Variants in GNB1L observed in about 807,000 individuals in gnomAD.
GNB1L encodes G protein subunit beta 1 like, also known as guanine nucleotide-binding protein subunit beta-like protein 1.
A neutral mutation model predicts 29.1 loss-of-function variants in GNB1L; 20 were observed. The ratio of observed to expected loss-of-function variants is 0.69; its 90% CI spans 0.48 to 1.00. The LOEUF (loss-of-function observed/expected upper bound fraction) is 1.00, where lower values mean the gene tolerates loss of function less well. Ranked by LOEUF, GNB1L falls within the 50% of genes least tolerant of loss-of-function variation. GNB1L has a pLI of 0.00. For synonymous variants in GNB1L, 193 were observed against 206.5 expected, an observed-to-expected ratio of 0.93 and a Z score of 0.56; for missense variants, 421 against 464.9, an observed-to-expected ratio of 0.91 and a Z score of 0.87.
At chr22:19,850,396 C>T (rs561868253) in intron 2 of GNB1L, 4 of 989,388 alleles carry the variant, frequency 4.0e-6, no homozygotes, top group Admixed American at 1.2e-4. Flanking sequence ...CATGCGAGTG[C>T]GGAGTGAGCA....
intron 6 of GNB1L, among the ~76,000 whole-genome samples, chr22:19,804,646 T>G (rs992358883): frequency 6.7e-6 from 1 of 148,880 alleles, no homozygotes; most frequent in Non-Finnish European, 1.5e-5. Flanking sequence ...GTCAGGCCAC[T>G]GTGCCACAAT....
At position 19,788,626 on chromosome 22, in the gene GNB1L, C is replaced by T; in HGVS notation, c.*83G>A. ...CCATGACTTGCTGGTCCTCAGAGGC[C>T]CTTGAGGTTTCAGGCCAAGGCTGGG... On this transcript the variant is annotated 3_prime_UTR_variant, in exon 8 of 8. Coordinates refer to ENST00000329517, the MANE Select transcript of GNB1L (RefSeq NM_053004.3). The T allele has an allele frequency of 6.5e-7, 1 of 1,545,926 alleles. No homozygotes were observed. The highest frequency in any genetic ancestry group is 8.9e-7 in the Non-Finnish European group (1 of 1,120,948).
chr22:19,821,425 T>C, intron 2 of GNB1L, 50 bp from the exon 3 acceptor site: 1 of 1,558,630 alleles, frequency 6.4e-7, no homozygotes, highest in Non-Finnish European at 8.7e-7. Context: ...ATTCTCACCC[T>C]CTAGGAAGGC....
At chr22:19,842,698 C>T (rs1026900666) in intron 2 of GNB1L, among the ~76,000 whole-genome samples, 25 of 152,254 alleles carry the variant, frequency 1.6e-4, no homozygotes, top group South Asian at 2.1e-4. Context: ...CTGCCACTCA[C>T]GGCCACAAAG....
chr22:19,815,559 G>A (rs1937520976), intron 4 of GNB1L, among the ~76,000 whole-genome samples: 1 of 152,160 alleles, frequency 6.6e-6, no homozygotes, highest in Non-Finnish European at 1.5e-5. Flanking sequence ...GGGAGTGGAG[G>A]ACTGACTTGT....
chr22:19,825,232 T>G (rs1363947805), intron 2 of GNB1L, among the ~76,000 whole-genome samples: 1 of 152,138 alleles, frequency 6.6e-6, no homozygotes, highest in East Asian at 1.9e-4. Flanking sequence ...CAGCCCATAA[T>G]CAGCAAGACT....
Position 19,821,343 on chromosome 22 carries a change from A to G in GNB1L, c.13T>C (p.Cys5Arg), listed in dbSNP as rs751357188. ...TGGGGGTCTGGAGGTGGCGGCGGGC[A>G]GGGGGCCGTCATGCTGGGCAGGATG... MTAP[C>R]PPPPPDPQFV... Residue 5 changes from cysteine to arginine, a missense_variant, in exon 3 of 8, where the codon TGC becomes CGC. Coordinates refer to ENST00000329517, the MANE Select transcript of GNB1L (RefSeq NM_053004.3). The G allele has an allele frequency of 6.2e-6, 10 of 1,612,428 alleles. No individual in the cohort carries two copies. The highest frequency in any genetic ancestry group is 1.7e-5 in the Admixed American group (1 of 59,990).
chr22:19,836,195 A>G (rs970569723), intron 2 of GNB1L, among the ~76,000 whole-genome samples: 2 of 152,314 alleles, frequency 1.3e-5, no homozygotes, highest in Admixed American at 1.3e-4. Context: ...GACAAATTAT[A>G]ATAATTAAAG....
At chr22:19,807,161 A>T (rs1391856650) in intron 5 of GNB1L, among the ~76,000 whole-genome samples, 1 of 152,200 alleles carries the variant, frequency 6.6e-6, no homozygotes, top group Non-Finnish European at 1.5e-5. Context: ...TGAGAAATGA[A>T]TGTGATGTGC....
chr22:19,843,089 C>T (rs1413301990), intron 2 of GNB1L, among the ~76,000 whole-genome samples: 1 of 152,192 alleles, frequency 6.6e-6, no homozygotes, highest in Non-Finnish European at 1.5e-5. Flanking sequence ...GTGATTGAAG[C>T]GTCTACTTTC....
In GNB1L at chr22:19,812,376, C is replaced by A; in HGVS notation, c.326G>T (p.Cys109Phe). ...CCGGCAGAAGCCCACACTCTCCAAG[C>A]ACACGGAGTCCACGACAGCGCTCCT... is the stretch of plus-strand genomic sequence containing the variant. Reference protein sequence around the residue: ...EGRSAVVDSVCLESVGFCRSS... With the variant: ...EGRSAVVDSVFLESVGFCRSS... The change falls in exon 5 of 8, where the codon TGC becomes TTC. Residue 109 changes from cysteine to phenylalanine, a missense_variant. Cys to Phe is a radical substitution (Grantham distance 205). Transcript: ENST00000329517. 6.2e-7 allele frequency: 1 copy of A among 1,613,426 alleles called. No individual in the cohort carries two copies. Among genetic ancestry groups the A allele is most frequent in the Non-Finnish European group, 8.5e-7 (1 of 1,179,972 alleles).
intron 7 of GNB1L, among the ~76,000 whole-genome samples, chr22:19,797,130 C>T (rs577163442): frequency 5.1e-4 from 77 of 152,252 alleles, no homozygotes; most frequent in Middle Eastern, 3.4e-3. Context: ...ATGGTGCAGG[C>T]GAAGACCAAC....
At chr22:19,799,515 A>T (rs1368821400) in intron 7 of GNB1L, among the ~76,000 whole-genome samples, 1 of 152,156 alleles carries the variant, frequency 6.6e-6, no homozygotes, top group African/African-American at 2.4e-5. Flanking sequence ...GCATGACCTC[A>T]GGTGCCAGGA....
rs1336948169 is a variant in GNB1L at position 19,784,476 on chromosome 22, T to A, written c.*4233A>T. ...CTGGTCCCAGACCCAGGGCCGTCTG[T>A]TGGCCTGCAGGTAACACGCAGGGAG... On this transcript the variant is annotated 3_prime_UTR_variant, in exon 8 of 8. Coordinates refer to ENST00000329517, the MANE Select transcript of GNB1L (RefSeq NM_053004.3). 6.6e-6 allele frequency: 1 copy of A among 152,168 alleles called. No individual in the cohort carries two copies. The highest frequency in any genetic ancestry group is 2.4e-5 in the African/African-American group (1 of 41,406). The allele number at this position is 152,168 out of a possible 1,614,324, so 9.4% of individuals were successfully genotyped here. A position where few individuals can be genotyped will look rare whatever the true frequency, so the allele number is the denominator to read the frequency against.
rs1310993058 is a variant in GNB1L at position 19,816,033 on chromosome 22, C to T, written c.255-3586G>A. On this transcript the variant is annotated intron_variant, in intron 4 of 7. Coordinates refer to ENST00000329517, the MANE Select transcript of GNB1L (RefSeq NM_053004.3). The surrounding 1 kb of genome is among the most constrained non-coding windows in gnomAD (Gnocchi z 4.4). ...ACCAAGAACTCCACCTTGTCAACAC[C>T]GCATCCTGACCAAGGGTGAGCCCCG... is the stretch of plus-strand genomic sequence containing the variant. Among the ~76,000 whole-genome samples, 2 of 152,216 alleles carry T rather than the reference C, an allele frequency of 1.3e-5. No homozygotes were observed. Among genetic ancestry groups the T allele is most frequent in the African/African-American group, 2.4e-5 (1 of 41,458 alleles).
At chr22:19,799,377 C>T (rs1280989360) in intron 7 of GNB1L, among the ~76,000 whole-genome samples, 2 of 152,186 alleles carry the variant, frequency 1.3e-5, no homozygotes, top group Admixed American at 1.3e-4. Flanking sequence ...ACCACTTGAC[C>T]CCGAGGCACC....
chr22:19,832,127 C>T (rs1050623024), intron 2 of GNB1L, among the ~76,000 whole-genome samples: 6 of 152,172 alleles, frequency 3.9e-5, no homozygotes, highest in Admixed American at 2.6e-4. Context: ...GCCAGGAGTT[C>T]AAGACCAGCC....
chr22:19,852,551 G>A (rs1601359792), intron 2 of GNB1L: 1 of 411,642 alleles, frequency 2.4e-6, no homozygotes, highest in East Asian at 4.1e-5. Context: ...GGACTGGTGG[G>A]AAGAGGCTAC....
At chr22:19,806,600 CAT>C (rs1168511012) in intron 6 of GNB1L, 57 bp downstream of exon 6, 1 of 1,033,488 alleles carries the variant, frequency 9.7e-7, no homozygotes. Flanking sequence ...CTGAATGGAG[CAT>C]GACTCATGGC....
Sources: allele counts gnomAD v4.1 joint callset (sites outside exome capture counted in the v4.1 genomes callset), GRCh38; gene constraint gnomAD v4.1.1; non-coding constraint Gnocchi (gnomAD v3.1); transcripts MANE v1.5; gene names NCBI Gene and HGNC (gene_info 2026-07-23, HGNC 2026-07-21).